Variants in CCDC201 observed in about 807,000 individuals in gnomAD.
The protein encoded by CCDC201 is coiled-coil domain containing 201.
In CCDC201 at chr7:45,872,277, T is replaced by C. The variant is rs556339419; in HGVS notation, c.18+713A>G. The stretch of plus-strand genomic sequence containing the variant: ...GAATGGGGTGCCCAGGACTGCTGGG[T>C]TGGGAGAGGGAGTTACTTCTCCATC... On this transcript the variant is annotated intron_variant, in intron 1 of 2. Coordinates refer to ENST00000636578, the Ensembl canonical transcript of CCDC201. Among the ~76,000 whole-genome samples the C allele has an allele frequency of 2.0e-5, 3 of 152,250 alleles. No homozygotes were observed. The East Asian group carries it at 5.8e-4, about 29-fold the overall frequency.
the CCDC201 span, among the ~76,000 whole-genome samples, chr7:45,882,889 C>T: frequency 6.6e-6 from 1 of 152,332 alleles, no homozygotes; most frequent in Admixed American, 6.5e-5. Context: ...TTCATCCCTG[C>T]CTCCCAAAAT....
At chr7:45,874,923 A>C (rs1184903096), upstream of CCDC201, among the ~76,000 whole-genome samples, 1 of 152,238 alleles carries the variant, frequency 6.6e-6, no homozygotes, top group Non-Finnish European at 1.5e-5. Flanking sequence ...GAGATAATCA[A>C]ACTGAGTCAT....
chr7:45,883,356 T>A, the CCDC201 span, among the ~76,000 whole-genome samples: 1 of 151,978 alleles, frequency 6.6e-6, no homozygotes, highest in Non-Finnish European at 1.5e-5. Flanking sequence ...TATAACCCAA[T>A]GTGAGATCAA....
At chr7:45,884,222 T>G in the CCDC201 span, among the ~76,000 whole-genome samples, 2 of 152,118 alleles carry the variant, frequency 1.3e-5, no homozygotes, top group Admixed American at 1.3e-4. Context: ...CACCTCAGCC[T>G]CCTGAATAGC....
rs1283918687 is a variant in CCDC201 at position 45,863,183 on chromosome 7, A to C, written c.478-12T>G. On this transcript the variant is annotated splice_polypyrimidine_tract_variant and intron_variant, in intron 2 of 2. Coordinates refer to ENST00000636578, the Ensembl canonical transcript of CCDC201. Reference sequence around the variant, plus strand: ...CGCACTCGCTCCATCTGTTTAAAGGAAAGGCATCACCCCATAGCAGCATCC... The same window carrying C: ...CGCACTCGCTCCATCTGTTTAAAGGCAAGGCATCACCCCATAGCAGCATCC... 3 of 152,240 alleles carry C rather than the reference A, an allele frequency of 2.0e-5. No individual in the cohort carries two copies. Among genetic ancestry groups the C allele is most frequent in the Non-Finnish European group, 2.9e-5 (2 of 68,054 alleles). The allele number at this position is 152,240 out of a possible 1,614,324, so 9.4% of individuals were successfully genotyped here. A position where few individuals can be genotyped will look rare whatever the true frequency, so the allele number is the denominator to read the frequency against.
At chr7:45,861,580 G>A (rs978219971) in exon 3 of CCDC201, 3 of 152,134 alleles carry the variant, frequency 2.0e-5, no homozygotes, top group Admixed American at 6.6e-5. Flanking sequence ...GTGTTTCCAG[G>A]AAGAACCCAA....
At chr7:45,876,631 G>T (rs1349080364), upstream of CCDC201, among the ~76,000 whole-genome samples, 1 of 152,222 alleles carries the variant, frequency 6.6e-6, no homozygotes, top group Non-Finnish European at 1.5e-5. Flanking sequence ...TAGGTACACT[G>T]GTTTGGGCAG....
chr7:45,864,531 G>A lies in CCDC201; in HGVS notation c.478-1360C>T, dbSNP rs1035907779. 3.9e-5 allele frequency among the ~76,000 whole-genome samples: 6 copies of A among 152,176 alleles called. No homozygotes were observed. In the South Asian group the frequency reaches 8.3e-4, roughly 21 times the overall value. On this transcript the variant is annotated intron_variant, in intron 2 of 2. Coordinates refer to ENST00000636578, the Ensembl canonical transcript of CCDC201. ...GACCCTTGGTGGACAGTTCCCACTC[G>A]GAACTCGGGGCTTTCCGTCAGCTCC...
At chr7:45,865,728 A>G (rs951771392) in intron 2 of CCDC201, among the ~76,000 whole-genome samples, 6 of 152,220 alleles carry the variant, frequency 3.9e-5, no homozygotes, top group Non-Finnish European at 8.8e-5. Context: ...ATGCCAGACC[A>G]TGAGGCCAGG....
At chr7:45,878,621 G>A in the CCDC201 span, among the ~76,000 whole-genome samples, 1 of 152,240 alleles carries the variant, frequency 6.6e-6, no homozygotes, top group African/African-American at 2.4e-5. Flanking sequence ...CTGTAATACA[G>A]GGCACCATGT....
the CCDC201 span, among the ~76,000 whole-genome samples, chr7:45,883,957 C>CTTTCTTTCTTTTTCTTTCTTTCTTTTCT: frequency 9.0e-6 from 1 of 111,044 alleles, no homozygotes; most frequent in Non-Finnish European, 2.2e-5. Context: ...CAGAACCGAT[C>CTTTCTTTCTTTTTCTTTCTTTCTTTTCT]TTTCTTTCTT....
chr7:45,869,304 T>A (rs1486785876), intron 1 of CCDC201, among the ~76,000 whole-genome samples: 1 of 152,232 alleles, frequency 6.6e-6, no homozygotes, highest in Non-Finnish European at 1.5e-5. Context: ...TGCATTCTTA[T>A]GAGGTAAGTA....
At chr7:45,873,874 G>A (rs933277216), upstream of CCDC201, among the ~76,000 whole-genome samples, 3 of 150,914 alleles carry the variant, frequency 2.0e-5, no homozygotes, top group Non-Finnish European at 2.9e-5. Flanking sequence ...CAACCCCAAA[G>A]CAAAGTTTTT....
chr7:45,881,634 C>T, the CCDC201 span, among the ~76,000 whole-genome samples: 14 of 152,234 alleles, frequency 9.2e-5, 1 homozygote, highest in Middle Eastern at 3.4e-3. Flanking sequence ...AGCCTTGATG[C>T]GGGGAGAGCA....
chr7:45,872,139 C>G (rs977681304), intron 1 of CCDC201, among the ~76,000 whole-genome samples: 2 of 152,162 alleles, frequency 1.3e-5, no homozygotes, highest in Non-Finnish European at 2.9e-5. Context: ...ATTTTATGCT[C>G]TTATACTTTT....
chr7:45,874,690 G>C (rs552226756), upstream of CCDC201, among the ~76,000 whole-genome samples: 4 of 152,320 alleles, frequency 2.6e-5, no homozygotes, highest in South Asian at 8.3e-4. Flanking sequence ...ACTAGAAAGG[G>C]TTTGTCAGAG....
At chr7:45,873,589 A>G (rs1478336741), upstream of CCDC201, among the ~76,000 whole-genome samples, 3 of 152,150 alleles carry the variant, frequency 2.0e-5, no homozygotes, top group Non-Finnish European at 4.4e-5. Flanking sequence ...AGGCCTGGGC[A>G]GGGACCCGTG....
chr7:45,874,632 G>A (rs2116529047), upstream of CCDC201, among the ~76,000 whole-genome samples: 1 of 152,346 alleles, frequency 6.6e-6, no homozygotes, highest in Non-Finnish European at 1.5e-5. Flanking sequence ...AGTGGCAAGA[G>A]AGGTTGAGAT....
chr7:45,860,931 T>C (rs1786591351), exon 3 of CCDC201: 2 of 152,248 alleles, frequency 1.3e-5, no homozygotes, highest in Admixed American at 6.5e-5. Flanking sequence ...TGTAAAAACA[T>C]AGTAAGTACA....
Sources: gnomAD v4.1 joint callset for allele counts (sites outside exome capture counted in the v4.1 genomes callset) on GRCh38, gnomAD v4.1.1 for gene constraint, MANE v1.5 for transcripts, NCBI Gene and HGNC (gene_info 2026-07-23, HGNC 2026-07-21) for gene names.